The following ATXN8OS variants were observed in gnomAD, a reference collection of about 807,000 sequenced individuals.
ATXN8OS encodes ATXN8 opposite strand lncRNA, also known as ATXN8 opposite strand (non-protein coding).
At chr13:70,157,950 C>CA (rs1888957411) in intron 4 of ATXN8OS, among the ~76,000 whole-genome samples, 1 of 152,042 alleles carries the variant, frequency 6.6e-6, no homozygotes, top group African/African-American at 2.4e-5. Flanking sequence ...AATAAGCTTG[C>CA]AAAAAATCAT....
At chr13:70,138,472 C>A (rs990189591) in intron 3 of ATXN8OS, among the ~76,000 whole-genome samples, 5 of 151,858 alleles carry the variant, frequency 3.3e-5, no homozygotes, top group Non-Finnish European at 2.9e-5. Flanking sequence ...GTGTTTTGAT[C>A]TGGGTTTTAT....
In ATXN8OS at chr13:70,151,619, T is replaced by C. The variant is rs531076879; in HGVS notation, n.573+4191T>C. 3.9e-4 allele frequency among the ~76,000 whole-genome samples: 59 copies of C among 152,096 alleles called. 2 individuals carry two copies. In the South Asian group the frequency reaches 0.012, roughly 31 times the overall value. On this transcript the variant is annotated intron_variant and non_coding_transcript_variant, in intron 4 of 4. Coordinates refer to ENST00000678624, the Ensembl canonical transcript of ATXN8OS. Reference sequence around the variant, plus strand: ...GATAATTACTACATAAGTTCGAATGTAAAACAAAAAAGAAAACCAGCAATA... The same window carrying C: ...GATAATTACTACATAAGTTCGAATGCAAAACAAAAAAGAAAACCAGCAATA...
chr13:70,108,011 T>G, exon 1 of ATXN8OS: 1 of 441,618 alleles, frequency 2.3e-6, no homozygotes, highest in Non-Finnish European at 4.0e-6. Context: ...AGCCCCGTGT[T>G]ATGGCGAGGT....
intron 2 of ATXN8OS, among the ~76,000 whole-genome samples, chr13:70,127,714 G>T (rs1888460795): frequency 6.7e-6 from 1 of 148,526 alleles, no homozygotes; most frequent in African/African-American, 2.5e-5. Flanking sequence ...AATTTTGTGG[G>T]TGTAGTTAGA....
intron 4 of ATXN8OS, among the ~76,000 whole-genome samples, chr13:70,161,758 T>G (rs1889011130): frequency 1.1e-5 from 1 of 92,906 alleles, no homozygotes. Flanking sequence ...AAGTATTTGT[T>G]GAGTGAAAAA....
chr13:70,113,212 G>A (rs899367732), intron 1 of ATXN8OS, among the ~76,000 whole-genome samples: 27 of 151,814 alleles, frequency 1.8e-4, no homozygotes, highest in Non-Finnish European at 3.1e-4. Context: ...AAGCCACAGC[G>A]CCTGGCCTAT....
At chr13:70,122,494 T>C (rs2034268071) in intron 2 of ATXN8OS, among the ~76,000 whole-genome samples, 1 of 151,022 alleles carries the variant, frequency 6.6e-6, no homozygotes, top group African/African-American at 2.4e-5. Flanking sequence ...CTCCTGTCCT[T>C]CTTAGAGAGA....
At chr13:70,107,760 G>T, upstream of ATXN8OS, 3 of 1,325,756 alleles carry the variant, frequency 2.3e-6, no homozygotes, top group Non-Finnish European at 3.0e-6. Context: ...GTCAGCAGGT[G>T]GGGGAGGACA....
chr13:70,156,802 CT>C (rs975000074), intron 4 of ATXN8OS, among the ~76,000 whole-genome samples: 13 of 152,006 alleles, frequency 8.6e-5, no homozygotes, highest in Admixed American at 5.2e-4. Flanking sequence ...AGGTCTTCAA[CT>C]TTTTTTAATT....
chr13:70,126,452 A>AATTAGGCTAAGT (rs1215056172), intron 2 of ATXN8OS, among the ~76,000 whole-genome samples: 1 of 152,026 alleles, frequency 6.6e-6, no homozygotes, highest in East Asian at 1.9e-4. Flanking sequence ...TCTAACTATA[A>AATTAGGCTAAGT]ATTAGGCTAA....
chr13:70,134,618 T>A (rs982177345), intron 3 of ATXN8OS, among the ~76,000 whole-genome samples: 1 of 152,180 alleles, frequency 6.6e-6, no homozygotes, highest in African/African-American at 2.4e-5. Context: ...CAACTTCCTA[T>A]GGCAATTGCC....
intron 2 of ATXN8OS, among the ~76,000 whole-genome samples, chr13:70,125,680 A>T (rs1888423044): frequency 6.6e-6 from 1 of 151,996 alleles, no homozygotes; most frequent in Non-Finnish European, 1.5e-5. Context: ...AGTTTTCTGA[A>T]ATGTTTGATG....
intron 2 of ATXN8OS, among the ~76,000 whole-genome samples, chr13:70,116,952 A>AT (rs1162344583): frequency 2.0e-5 from 3 of 151,896 alleles, no homozygotes; most frequent in Admixed American, 1.3e-4. Context: ...TAATTTCCCT[A>AT]TTTTTTTCTG....
At chr13:70,146,950 C>A (rs1202274614) in intron 3 of ATXN8OS, among the ~76,000 whole-genome samples, 2 of 152,038 alleles carry the variant, frequency 1.3e-5, no homozygotes, top group African/African-American at 4.8e-5. Context: ...CATAATATAT[C>A]TTGATGTTAG....
At chr13:70,130,333 T>C (rs1297131859) in intron 3 of ATXN8OS, among the ~76,000 whole-genome samples, 1 of 152,186 alleles carries the variant, frequency 6.6e-6, no homozygotes, top group Non-Finnish European at 1.5e-5. Context: ...AATTAAGGAT[T>C]AATGTGTATA....
chr13:70,150,124 A>G (rs1185697165), intron 4 of ATXN8OS, among the ~76,000 whole-genome samples: 1 of 152,098 alleles, frequency 6.6e-6, no homozygotes, highest in Non-Finnish European at 1.5e-5. Flanking sequence ...CCCAAGTAAA[A>G]GAAGAATTGA....
chr13:70,151,663 G>C (rs1888868552), intron 4 of ATXN8OS, among the ~76,000 whole-genome samples: 1 of 152,104 alleles, frequency 6.6e-6, no homozygotes, highest in South Asian at 2.1e-4. Flanking sequence ...TGAATGTCAA[G>C]CTAAGAAATA....
chr13:70,122,904 G>T (rs999234465), intron 2 of ATXN8OS, among the ~76,000 whole-genome samples: 7 of 151,994 alleles, frequency 4.6e-5, no homozygotes, highest in Admixed American at 1.3e-4. Flanking sequence ...TCCAGCTCTA[G>T]AACTTACTAA....
intron 2 of ATXN8OS, among the ~76,000 whole-genome samples, chr13:70,128,761 C>T (rs1044863712): frequency 2.0e-5 from 3 of 151,952 alleles, no homozygotes; most frequent in Admixed American, 6.6e-5. Flanking sequence ...CTGAAGCCCT[C>T]AATGTTCGTA....
Sources: allele counts gnomAD v4.1 joint callset (sites outside exome capture counted in the v4.1 genomes callset), GRCh38; gene constraint gnomAD v4.1.1; transcripts MANE v1.5; gene names NCBI Gene and HGNC (gene_info 2026-07-23, HGNC 2026-07-21).